Variants in FCHSD2 observed in about 807,000 individuals in gnomAD.
FCHSD2 encodes F-BAR and double SH3 domains protein 2.
FCHSD2 carries 38 observed loss-of-function variants against 108.1 expected under a neutral mutation model. The observed-to-expected ratio is 0.35, with a 90% confidence interval of 0.27 to 0.46. The LOEUF (loss-of-function observed/expected upper bound fraction) is 0.46, where lower values mean the gene tolerates loss of function less well. Ranked by LOEUF, FCHSD2 falls within the 20% of genes least tolerant of loss-of-function variation. The probability of loss-of-function intolerance (pLI) is 1.00; values close to 1 mark genes in which losing one functional copy is unlikely to be tolerated. For synonymous variants in FCHSD2, 279 were observed against 314.7 expected (o/e 0.89, Z 1.20); for missense variants, 751 against 897.8 (o/e 0.84, Z 2.09).
intron 3 of FCHSD2, among the ~76,000 whole-genome samples, chr11:73,033,048 G>C (rs965113763): frequency 2.6e-5 from 4 of 152,034 alleles, no homozygotes; most frequent in Non-Finnish European, 4.4e-5. Context: ...CAGCACTTTG[G>C]GGGGCTGAGG....
chr11:73,015,007 C>T (rs897561575), intron 4 of FCHSD2, among the ~76,000 whole-genome samples: 2 of 152,222 alleles, frequency 1.3e-5, no homozygotes, highest in African/African-American at 4.8e-5. Flanking sequence ...CCACACCTGG[C>T]TAATTTTTAT....
At chr11:72,983,169 C>T (rs1175570854) in intron 8 of FCHSD2, among the ~76,000 whole-genome samples, 1 of 151,326 alleles carries the variant, frequency 6.6e-6, no homozygotes. Flanking sequence ...TGGCGGGCGC[C>T]TGTAGTCCCA....
chr11:72,875,629 C>T (rs1367089552), intron 12 of FCHSD2, among the ~76,000 whole-genome samples: 1 of 152,180 alleles, frequency 6.6e-6, no homozygotes, highest in Non-Finnish European at 1.5e-5. Context: ...CAGCCACCAT[C>T]CCTAGCCCCA....
intron 12 of FCHSD2, among the ~76,000 whole-genome samples, chr11:72,885,816 G>C (rs1855185455): frequency 6.6e-6 from 1 of 152,140 alleles, no homozygotes; most frequent in African/African-American, 2.4e-5. Flanking sequence ...TAGTGGTTTA[G>C]ACATGACCCT....
At chr11:72,901,018 T>C (rs1039665364) in intron 10 of FCHSD2, among the ~76,000 whole-genome samples, 9 of 152,236 alleles carry the variant, frequency 5.9e-5, no homozygotes, top group African/African-American at 2.2e-4. Context: ...CAAATTAGCA[T>C]TTTTGTTCTT....
At chr11:73,044,179 T>C (rs1044789800) in intron 3 of FCHSD2, among the ~76,000 whole-genome samples, 10 of 152,232 alleles carry the variant, frequency 6.6e-5, no homozygotes, top group Non-Finnish European at 1.3e-4. Context: ...AAAGAGACCA[T>C]TTTAATAGAT....
At chr11:73,018,169 C>CATGA in intron 3 of FCHSD2, among the ~76,000 whole-genome samples, 1 of 152,266 alleles carries the variant, frequency 6.6e-6, no homozygotes, top group East Asian at 1.9e-4. Flanking sequence ...TCCAAGTTGG[C>CATGA]TCCCATATCA....
intron 10 of FCHSD2, among the ~76,000 whole-genome samples, chr11:72,892,795 G>A (rs993713533): frequency 6.6e-6 from 1 of 151,844 alleles, no homozygotes; most frequent in Non-Finnish European, 1.5e-5. Context: ...TAGTAGAGAC[G>A]GGGTTTCACC....
intron 5 of FCHSD2, among the ~76,000 whole-genome samples, chr11:72,998,446 G>A (rs933297355): frequency 1.3e-5 from 2 of 152,152 alleles, no homozygotes; most frequent in South Asian, 2.1e-4. Context: ...GGAGACTGGG[G>A]TGGGAGGATC....
chr11:73,049,584 AGATGACAC>A (rs1265339876), intron 3 of FCHSD2, among the ~76,000 whole-genome samples: 1 of 150,408 alleles, frequency 6.6e-6, no homozygotes, highest in Non-Finnish European at 1.5e-5. Flanking sequence ...ACCTAATGCT[AGATGACAC>A]GTTAGTGGGT....
chr11:73,064,929 CA>C (rs1208672746), intron 3 of FCHSD2, among the ~76,000 whole-genome samples: 4 of 152,140 alleles, frequency 2.6e-5, no homozygotes, highest in African/African-American at 9.7e-5. Context: ...ACCAGAGGTA[CA>C]AAGGGGAGTT....
At chr11:73,003,807 G>C (rs531815455) in intron 4 of FCHSD2, among the ~76,000 whole-genome samples, 1 of 151,626 alleles carries the variant, frequency 6.6e-6, no homozygotes, top group South Asian at 2.1e-4. Flanking sequence ...AAGCAATTGT[G>C]AAGGATAAGA....
chr11:73,029,626 G>A (rs1858312381), intron 3 of FCHSD2, among the ~76,000 whole-genome samples: 1 of 152,118 alleles, frequency 6.6e-6, no homozygotes, highest in South Asian at 2.1e-4. Context: ...CACAGAGGTA[G>A]GAAGTCATTG....
chr11:72,933,374 T>C (rs980494436), intron 8 of FCHSD2, among the ~76,000 whole-genome samples: 2 of 152,146 alleles, frequency 1.3e-5, no homozygotes, highest in South Asian at 4.1e-4. Context: ...GATGAGAAAT[T>C]TGGCAAAGTG....
At chr11:73,119,336 T>C (rs1207493917) in intron 2 of FCHSD2, among the ~76,000 whole-genome samples, 1 of 152,106 alleles carries the variant, frequency 6.6e-6, no homozygotes, top group Admixed American at 6.6e-5. Context: ...TTCTCTAATA[T>C]GGGATATAGA....
chr11:72,965,048 A>C (rs201298041), intron 8 of FCHSD2, among the ~76,000 whole-genome samples: 1 of 152,016 alleles, frequency 6.6e-6, no homozygotes, highest in Non-Finnish European at 1.5e-5. Flanking sequence ...CTTGGCCTCC[A>C]AAAGTGCTGG....
intron 2 of FCHSD2, among the ~76,000 whole-genome samples, chr11:73,138,842 A>G (rs917972709): frequency 3.9e-5 from 6 of 152,168 alleles, no homozygotes; most frequent in Non-Finnish European, 8.8e-5. Flanking sequence ...TCCTGACCTC[A>G]GGTGATCTGC....
Position 72,944,621 on chromosome 11 carries a change from T to C in FCHSD2, c.706-22671A>G, listed in dbSNP as rs868674277. ...GAGGAAGTCAAATTGTCCCTGTTTG[T>C]AGATGACATGATTGTATATCTAGAA... On this transcript the variant is annotated intron_variant, in intron 8 of 19. Transcript: ENST00000409418. 2.4e-3 allele frequency among the ~76,000 whole-genome samples: 358 copies of C among 152,278 alleles called. 3 individuals carry two copies. Among genetic ancestry groups the C allele is most frequent in the African/African-American group, 8.2e-3 (341 of 41,560 alleles).
At chr11:72,880,500 C>T (rs192137030) in intron 12 of FCHSD2, among the ~76,000 whole-genome samples, 1 of 152,224 alleles carries the variant, frequency 6.6e-6, no homozygotes, top group African/African-American at 2.4e-5. Flanking sequence ...GGGGAAAGGA[C>T]ACCCTCTTCA....
Sources: gnomAD v4.1 joint callset for allele counts (sites outside exome capture counted in the v4.1 genomes callset) on GRCh38, gnomAD v4.1.1 for gene constraint, MANE v1.5 for transcripts, NCBI Gene and HGNC (gene_info 2026-07-23, HGNC 2026-07-21) for gene names.